The following EYS variants were observed in gnomAD, a reference collection of about 807,000 sequenced individuals.
EYS encodes EGF-like photoreceptor maintenance factor, also known as protein eyes shut homolog.
In EYS, 250 loss-of-function variants were observed where a neutral mutation model predicts 282.1. That is an observed-to-expected ratio of 0.89 (90% CI 0.80 to 0.98). The LOEUF (loss-of-function observed/expected upper bound fraction) is 0.98. Ranked by LOEUF, EYS falls within the 50% of genes least tolerant of loss-of-function variation. The pLI, the probability that EYS is intolerant of heterozygous loss-of-function variation, is 0.00. For synonymous variants in EYS, 1,355 were observed against 1,282.9 expected, an observed-to-expected ratio of 1.06 and a Z score of -1.20; for missense variants, 4,016 against 3,709.0, an observed-to-expected ratio of 1.08 and a Z score of -2.15.
At chr6:64,456,806 C>A (rs1463956634) in intron 26 of EYS, among the ~76,000 whole-genome samples, 8 of 151,860 alleles carry the variant, frequency 5.3e-5, no homozygotes, top group Non-Finnish European at 1.2e-4. Context: ...TCTCTCATTT[C>A]CCATTATTAA....
chr6:64,824,586 C>G (rs1002459592), intron 19 of EYS, among the ~76,000 whole-genome samples: 1 of 151,812 alleles, frequency 6.6e-6, no homozygotes, highest in Non-Finnish European at 1.5e-5. Context: ...CTCCGTATCA[C>G]TATGTAGAAT....
At chr6:64,510,475 C>G (rs1777351245) in intron 26 of EYS, among the ~76,000 whole-genome samples, 1 of 151,292 alleles carries the variant, frequency 6.6e-6, no homozygotes. Flanking sequence ...TTAACTTCTG[C>G]CTTAAGAAGA....
intron 22 of EYS, among the ~76,000 whole-genome samples, chr6:64,711,129 A>T (rs1441762321): frequency 6.6e-6 from 1 of 152,246 alleles, no homozygotes; most frequent in African/African-American, 2.4e-5. Context: ...GCGTCTCATT[A>T]CTAATAATTA....
intron 16 of EYS, among the ~76,000 whole-genome samples, chr6:64,905,233 T>C (rs1337631304): frequency 6.6e-6 from 1 of 152,256 alleles, no homozygotes; most frequent in Non-Finnish European, 1.5e-5. Flanking sequence ...CATGACTGTA[T>C]ACTTAATCCC....
intron 12 of EYS, among the ~76,000 whole-genome samples, chr6:65,086,942 C>G (rs1774396628): frequency 6.6e-6 from 1 of 151,938 alleles, no homozygotes; most frequent in Admixed American, 6.6e-5. Context: ...CCTGCCTCAG[C>G]CCCCTGAGTA....
At chr6:64,746,180 G>C (rs138292397) in intron 22 of EYS, among the ~76,000 whole-genome samples, 93 of 152,038 alleles carry the variant, frequency 6.1e-4, no homozygotes, top group African/African-American at 2.1e-3. Flanking sequence ...AACTCGTGTT[G>C]AAATTTAATT....
intron 5 of EYS, chr6:65,489,680 G>A (rs1188664087): frequency 6.6e-6 from 1 of 152,110 alleles, no homozygotes; most frequent in African/African-American, 2.4e-5. Context: ...GCACACATAT[G>A]TTTACTGCAG....
chr6:64,086,216 A>G (rs1254198670), intron 31 of EYS, among the ~76,000 whole-genome samples: 3 of 152,098 alleles, frequency 2.0e-5, no homozygotes, highest in African/African-American at 7.2e-5. Flanking sequence ...TCTCTTCCCA[A>G]ACTAGTTGCT....
chr6:64,468,129 A>T (rs1401102486), intron 26 of EYS, among the ~76,000 whole-genome samples: 1 of 152,070 alleles, frequency 6.6e-6, no homozygotes, highest in Non-Finnish European at 1.5e-5. Context: ...TGGCCCAAAG[A>T]TCAGCACATC....
intron 31 of EYS, among the ~76,000 whole-genome samples, chr6:64,125,132 A>AACACAC (rs150010184): frequency 5.5e-5 from 8 of 145,552 alleles, no homozygotes; most frequent in African/African-American, 1.9e-4. Flanking sequence ...GATGATGTCA[A>AACACAC]ACACACACAC....
At chr6:65,272,000 A>G (rs1767919447) in intron 12 of EYS, among the ~76,000 whole-genome samples, 1 of 152,196 alleles carries the variant, frequency 6.6e-6, no homozygotes, top group Non-Finnish European at 1.5e-5. Context: ...TACAGGAGGT[A>G]AAGTTCTCAG....
At chr6:65,342,601 A>G (rs1770240531) in intron 10 of EYS, among the ~76,000 whole-genome samples, 1 of 150,606 alleles carries the variant, frequency 6.6e-6, no homozygotes. Flanking sequence ...ATAAAAATAT[A>G]GTCTCTAAAT....
At chr6:64,883,191 C>T (rs796975994) in intron 19 of EYS, among the ~76,000 whole-genome samples, 17 of 151,316 alleles carry the variant, frequency 1.1e-4, no homozygotes, top group African/African-American at 3.6e-4. Flanking sequence ...GGGCATTTGG[C>T]AAAAAATGTA....
At chr6:65,041,538 T>G (rs1220800620) in intron 13 of EYS, among the ~76,000 whole-genome samples, 1 of 151,692 alleles carries the variant, frequency 6.6e-6, no homozygotes, top group African/African-American at 2.4e-5. Context: ...TTGAAAACTT[T>G]TTACCAGCTG....
chr6:63,855,224 T>C (rs908720647), intron 36 of EYS, among the ~76,000 whole-genome samples: 1 of 152,216 alleles, frequency 6.6e-6, no homozygotes, highest in African/African-American at 2.4e-5. Context: ...TCATGAACAA[T>C]ATCACTTTAG....
intron 12 of EYS, among the ~76,000 whole-genome samples, chr6:65,255,869 A>C (rs1431552590): frequency 1.3e-5 from 2 of 152,020 alleles, no homozygotes; most frequent in Non-Finnish European, 2.9e-5. Context: ...TGAGGATGTG[A>C]GGAAAGGGTA....
In EYS at chr6:64,436,218, A is replaced by G. The variant is rs779530881; in HGVS notation, c.5883T>C (p.Thr1961=). The change falls in exon 28 of 43, where the codon ACT becomes ACC. Residue 1961 remains threonine, a synonymous_variant. Transcript: ENST00000503581. ...TTTGCCCGTTGTCCACTCTAACAGT[A>G]GTATTAATGCTTTTAAATTTTGCTT... ...PGEAKFKSIN[T]TVRVDNGQKY... The G allele has an allele frequency of 2.6e-6, 4 of 1,545,108 alleles. No homozygotes were observed. Among genetic ancestry groups the G allele is most frequent in the Admixed American group, 2.0e-5 (1 of 50,696 alleles).
At chr6:65,333,999 C>T (rs13220794) in intron 11 of EYS, among the ~76,000 whole-genome samples, 49 of 151,260 alleles carry the variant, frequency 3.2e-4, no homozygotes, top group Non-Finnish European at 1.5e-4. Context: ...TATACACACA[C>T]GTATACATAA....
In EYS at chr6:63,959,818, C is replaced by T. The variant is rs147898251; in HGVS notation, c.7055+24565G>A. The stretch of plus-strand genomic sequence containing the variant: ...ATAACTGGGAGTTGAACAGTGAGAA[C>T]ACATGGACACAGAGGAACAACACAC... On this transcript the variant is annotated intron_variant, in intron 35 of 42. Coordinates refer to ENST00000503581, the MANE Select transcript of EYS (RefSeq NM_001142800.2). 1.8e-3 allele frequency among the ~76,000 whole-genome samples: 280 copies of T among 152,108 alleles called. 2 individuals carry two copies. The highest frequency in any genetic ancestry group is 6.2e-3 in the African/African-American group (256 of 41,476).
Sources: allele counts gnomAD v4.1 joint callset (sites outside exome capture counted in the v4.1 genomes callset), GRCh38; gene constraint gnomAD v4.1.1; transcripts MANE v1.5; gene names NCBI Gene and HGNC (gene_info 2026-07-23, HGNC 2026-07-21).